RYR2: variants seen among roughly 807,000 people sequenced by gnomAD.
The protein encoded by RYR2 is ryanodine receptor 2.
In RYR2, 227 loss-of-function variants were observed where a neutral mutation model predicts 601.1. The observed-to-expected ratio is 0.38, with a 90% CI of 0.34 to 0.42. The LOEUF (loss-of-function observed/expected upper bound fraction) is 0.42. RYR2 is among the 10% of genes least tolerant of loss of function. The pLI is 1.00. For synonymous variants in RYR2, 2,223 were observed against 2,175.1 expected, an observed-to-expected ratio of 1.02 and a Z score of -0.61; for missense variants, 4,646 against 6,156.5, an observed-to-expected ratio of 0.75 and a Z score of 8.21.
At chr1:237,451,282 C>A (rs1658074895) in intron 14 of RYR2, among the ~76,000 whole-genome samples, 1 of 152,040 alleles carries the variant, frequency 6.6e-6, no homozygotes, top group Non-Finnish European at 1.5e-5. Context: ...TACAAAGTAG[C>A]AAATTGGGCT....
intron 1 of RYR2, among the ~76,000 whole-genome samples, chr1:237,064,299 T>C (rs1663255572): frequency 6.6e-6 from 1 of 152,202 alleles, no homozygotes; most frequent in South Asian, 2.1e-4. Flanking sequence ...TCTTAAATTT[T>C]GAGCTGTTTT....
chr1:237,491,700 A>G (rs1272633756), intron 17 of RYR2, 106 bp from the exon 18 acceptor site: 4 of 636,892 alleles, frequency 6.3e-6, no homozygotes, highest in Non-Finnish European at 1.1e-5. Context: ...GAGCACAGAT[A>G]ATTACATGTT....
chr1:237,145,897 G>A (rs1673946611), intron 1 of RYR2, among the ~76,000 whole-genome samples: 1 of 152,224 alleles, frequency 6.6e-6, no homozygotes, highest in Admixed American at 6.5e-5. Flanking sequence ...TCTATTATTA[G>A]TTAAAGTTAA....
At chr1:237,135,333 TCA>T (rs1319475155) in intron 1 of RYR2, among the ~76,000 whole-genome samples, 5 of 150,814 alleles carry the variant, frequency 3.3e-5, no homozygotes, top group African/African-American at 1.2e-4. Flanking sequence ...GATTCTAAAA[TCA>T]CACTGTCCAG....
intron 17 of RYR2, among the ~76,000 whole-genome samples, chr1:237,472,989 T>A (rs1215386366): frequency 1.3e-5 from 2 of 152,072 alleles, no homozygotes; most frequent in African/African-American, 4.8e-5. Flanking sequence ...TTTTTCCACC[T>A]TGCTTTTACT....
chr1:237,226,533 C>A (rs1362845), intron 1 of RYR2, among the ~76,000 whole-genome samples: 1,811 of 152,264 alleles, frequency 0.012, 20 homozygotes, highest in Non-Finnish European at 0.018. Context: ...GAAAGCAGTA[C>A]TTGGAGAGAC....
chr1:237,069,293 G>A (rs1664021315), intron 1 of RYR2, among the ~76,000 whole-genome samples: 2 of 152,070 alleles, frequency 1.3e-5, no homozygotes, highest in South Asian at 4.1e-4. Context: ...AACTTAAAGA[G>A]AGCAATTTTC....
intron 2 of RYR2, among the ~76,000 whole-genome samples, chr1:237,307,975 G>A (rs1425621331): frequency 6.6e-6 from 1 of 151,430 alleles, no homozygotes; most frequent in African/African-American, 2.4e-5. Flanking sequence ...CATCTTGACT[G>A]AGGGCTAGGA....
intron 19 of RYR2, among the ~76,000 whole-genome samples, chr1:237,494,854 G>C (rs903890051): frequency 2.6e-5 from 4 of 152,062 alleles, no homozygotes; most frequent in Admixed American, 2.0e-4. Context: ...GAAGTGGCAT[G>C]GTCTCAGCTC....
chr1:237,603,598 G>A (rs1676761167), intron 35 of RYR2, among the ~76,000 whole-genome samples: 2 of 152,144 alleles, frequency 1.3e-5, no homozygotes, highest in South Asian at 2.1e-4. Context: ...AAATGTAAAT[G>A]GGCTAAATGC....
intron 40 of RYR2, among the ~76,000 whole-genome samples, chr1:237,626,358 A>G (rs1679645548): frequency 6.6e-6 from 1 of 152,076 alleles, no homozygotes; most frequent in Admixed American, 6.5e-5. Context: ...GACTGTATTG[A>G]TTTTAAGATG....
intron 2 of RYR2, among the ~76,000 whole-genome samples, chr1:237,286,434 C>T (rs1271300458): frequency 1.3e-5 from 2 of 151,066 alleles, no homozygotes; most frequent in African/African-American, 4.9e-5. Flanking sequence ...TGTTTTATGC[C>T]CTATCATATG....
At chr1:237,617,000 G>C (rs139101055) in intron 37 of RYR2, among the ~76,000 whole-genome samples, 1 of 152,098 alleles carries the variant, frequency 6.6e-6, no homozygotes, top group African/African-American at 2.4e-5. Flanking sequence ...ACCCAGCCCC[G>C]CCCTTGACAT....
intron 1 of RYR2, among the ~76,000 whole-genome samples, chr1:237,174,063 CAAAAAA>C (rs10559743): frequency 6.6e-6 from 1 of 151,752 alleles, no homozygotes; most frequent in Non-Finnish European, 1.5e-5. Flanking sequence ...TCTCAAAAAA[CAAAAAA>C]AAAAGAGTAT....
rs886046269 is a variant in RYR2, at chr1:237,614,348, T to G, written c.5220T>G (p.Pro1740=). The part of the protein sequence containing the change: ...TEETKSITLF[P]DENKKHGLPG... ...AGACGAAGAGCATCACCCTGTTCCCTGATGAGAACAAAAAACACGGCCTTC... is the reference window on the plus strand; with the variant it reads ...AGACGAAGAGCATCACCCTGTTCCCGGATGAGAACAAAAAACACGGCCTTC... Residue 1740 remains proline (P), a synonymous_variant, in exon 37 of 105, where the codon CCT becomes CCG. Coordinates refer to ENST00000366574, the MANE Select transcript of RYR2 (RefSeq NM_001035.3). This position sits in a 1 kb window ranked among gnomAD's most constrained non-coding sequence, Gnocchi z 4.3. The G allele has an allele frequency of 3.7e-6, 6 of 1,614,022 alleles. No individual in the cohort carries two copies. Among genetic ancestry groups the G allele is most frequent in the Non-Finnish European group, 5.1e-6 (6 of 1,179,894 alleles).
chr1:237,624,463 C>A (rs995375499), intron 39 of RYR2, among the ~76,000 whole-genome samples: 1 of 152,148 alleles, frequency 6.6e-6, no homozygotes, highest in South Asian at 2.1e-4. Context: ...TGTGTCCAAG[C>A]TCATATTGCA....
chr1:237,619,064 T>A (rs910550696), intron 38 of RYR2, among the ~76,000 whole-genome samples: 3 of 152,104 alleles, frequency 2.0e-5, no homozygotes, highest in African/African-American at 7.2e-5. Context: ...TCCTGCTGGA[T>A]GGGGTCAGAG....
intron 34 of RYR2, 24 bp downstream of exon 34, chr1:237,595,681 G>A (rs756240274): frequency 8.9e-6 from 14 of 1,568,364 alleles, no homozygotes; most frequent in Non-Finnish European, 1.2e-5. Flanking sequence ...GATGATATCA[G>A]TCTTCTAGGG....
At chr1:237,665,174 G>A (rs1432851654) in intron 56 of RYR2, among the ~76,000 whole-genome samples, 1 of 152,118 alleles carries the variant, frequency 6.6e-6, no homozygotes, top group Admixed American at 6.5e-5. Flanking sequence ...GCCGAGGCGG[G>A]TGGATCACAA....
Sources: allele counts gnomAD v4.1 joint callset (sites outside exome capture counted in the v4.1 genomes callset), GRCh38; gene constraint gnomAD v4.1.1; non-coding constraint Gnocchi (gnomAD v3.1); transcripts MANE v1.5; gene names NCBI Gene and HGNC (gene_info 2026-07-23, HGNC 2026-07-21).